GIGYF2: variants seen among roughly 807,000 people sequenced by gnomAD.
GIGYF2 encodes the protein GRB10-interacting GYF protein 2.
In GIGYF2, 25 loss-of-function variants were observed where a neutral mutation model predicts 208.1. The observed-to-expected ratio is 0.12, with a 90% CI of 0.09 to 0.17. GIGYF2 has a LOEUF of 0.17. Among genes scored for constraint, GIGYF2 ranks in the 10% least tolerant of loss-of-function variants. The probability of loss-of-function intolerance (pLI) is 1.00; values close to 1 mark genes in which losing one functional copy is unlikely to be tolerated. For synonymous variants in GIGYF2, 534 were observed against 543.8 expected (o/e 0.98, Z 0.25); for missense variants, 1,302 against 1,579.4 (o/e 0.82, Z 2.98).
chr2:232,845,695 T>C, intron 25 of GIGYF2, 37 bp from the exon 26 acceptor site: 1 of 1,531,428 alleles, frequency 6.5e-7, no homozygotes, highest in Non-Finnish European at 9.1e-7. Flanking sequence ...AGTAACAGTT[T>C]CTGGGAATAT....
Position 232,794,882 on chromosome 2 carries a change from C to T in GIGYF2, c.1417C>T (p.Pro473Ser), listed in dbSNP as rs1384919564. 6.2e-7 allele frequency: 1 copy of T among 1,613,732 alleles called. No homozygotes were observed. The highest frequency in any genetic ancestry group is 2.2e-5 in the East Asian group (1 of 44,862). ...RPVETPVVGA[P>S]GMGSVSTEPD... is the part of the protein sequence containing the mutation. ...AGTTGAAACACCAGTTGTAGGTGCT[C>T]CTGGTATGGGCAGTGTTTCCACAGA... The change falls in exon 13 of 29, where the codon CCT (proline) becomes TCT (serine). Residue 473 changes from proline (P) to serine (S), a missense_variant. Pro to Ser is a moderately conservative substitution (Grantham distance 74, BLOSUM62 -1). Coordinates refer to ENST00000373563, the MANE Select transcript of GIGYF2 (RefSeq NM_001103146.3).
chr2:232,841,037 A>T (rs1701798301), intron 23 of GIGYF2, among the ~76,000 whole-genome samples: 1 of 151,956 alleles, frequency 6.6e-6, no homozygotes, highest in Non-Finnish European at 1.5e-5. Flanking sequence ...GTTTCTTCAC[A>T]CTTGAAGATG....
intron 2 of GIGYF2, among the ~76,000 whole-genome samples, chr2:232,733,013 T>G (rs1697571543): frequency 6.6e-6 from 1 of 152,084 alleles, no homozygotes; most frequent in African/African-American, 2.4e-5. Context: ...TCCCAGCACT[T>G]TGGGAGACCT....
intron 18 of GIGYF2, among the ~76,000 whole-genome samples, chr2:232,813,552 G>A (rs1700806704): frequency 6.6e-6 from 1 of 152,134 alleles, no homozygotes; most frequent in African/African-American, 2.4e-5. Context: ...GAGATGGATA[G>A]TTTGGTCCAT....
chr2:232,790,974 G>C, intron 10 of GIGYF2, 34 bp from the exon 11 acceptor site: 1 of 1,612,324 alleles, frequency 6.2e-7, no homozygotes, highest in Non-Finnish European at 8.5e-7. Context: ...AGCCAAATCT[G>C]CTGTTGATCT....
intron 8 of GIGYF2, among the ~76,000 whole-genome samples, chr2:232,775,056 T>A (rs1341869599): frequency 6.6e-6 from 1 of 152,100 alleles, no homozygotes; most frequent in African/African-American, 2.4e-5. Flanking sequence ...TCGGAACAGT[T>A]AAGCAGCATT....
At chr2:232,720,096 T>C (rs1269117010) in intron 2 of GIGYF2, among the ~76,000 whole-genome samples, 2 of 152,092 alleles carry the variant, frequency 1.3e-5, no homozygotes, top group African/African-American at 4.8e-5. Context: ...CCTCCCCAAG[T>C]CCCCCATCCT....
intron 8 of GIGYF2, chr2:232,768,099 A>G: frequency 1.6e-6 from 2 of 1,256,272 alleles, no homozygotes; most frequent in Non-Finnish European, 2.3e-6. Context: ...AGCTATAATT[A>G]GCATTGAAAA....
At chr2:232,802,521 G>A (rs1056256872) in intron 14 of GIGYF2, among the ~76,000 whole-genome samples, 2 of 151,832 alleles carry the variant, frequency 1.3e-5, no homozygotes, top group African/African-American at 4.8e-5. Context: ...TATTAATATG[G>A]TATATTACAT....
At position 232,858,729 on chromosome 2, in the gene GIGYF2, G is replaced by A. The variant is rs920306029; in HGVS notation, c.*1869G>A. Reference sequence around the variant, plus strand: ...AGCTCCAAGCACCCAAGACATGGAGGCAGCCATGGCTTCTTTCTCTGCCAG... The same window carrying A: ...AGCTCCAAGCACCCAAGACATGGAGACAGCCATGGCTTCTTTCTCTGCCAG... On this transcript the variant is annotated 3_prime_UTR_variant, in exon 29 of 29. Transcript: ENST00000373563. 5 of 353,812 alleles carry A rather than the reference G, an allele frequency of 1.4e-5. No individual in the cohort carries two copies. Among genetic ancestry groups the A allele is most frequent in the Non-Finnish European group, 2.8e-5 (5 of 181,586 alleles). 21.9% of individuals were successfully genotyped at this position (353,812 alleles called of 1,614,324 possible).
At position 232,791,124 on chromosome 2, in the gene GIGYF2, T is replaced by A. The variant is rs148277228; in HGVS notation, c.1047T>A (p.Asp349Glu). 875 of 1,613,938 alleles carry A rather than the reference T, an allele frequency of 5.4e-4. 2 individuals are homozygous for A. The highest frequency in any genetic ancestry group is 8.2e-4 in the Middle Eastern group (5 of 6,084). Residue 349 changes from aspartate to glutamate, a missense_variant, in exon 11 of 29, where the codon GAT becomes GAA. Physicochemically the swap from Asp to Glu is conservative, Grantham distance 45. Around this residue, in one of 8 missense-constraint regions of GIGYF2, gnomAD observed 235 missense variants for 218.8 expected, o/e 1.07. Transcript: ENST00000373563. ...ATAATGAAGAGGCCAAAGAACCCGA[T>A]AAGACAAATAAGAAAGAAGGAGAGA... ...GSHNEEAKEPDKTNKKEGEKT... is the reference protein window; with the variant it reads ...GSHNEEAKEPEKTNKKEGEKT...
intron 6 of GIGYF2, among the ~76,000 whole-genome samples, chr2:232,758,724 T>C (rs1698635683): frequency 6.6e-6 from 1 of 152,188 alleles, no homozygotes; most frequent in African/African-American, 2.4e-5. Flanking sequence ...GGAGGCTATT[T>C]TTTATATTTA....
chr2:232,704,939 A>G (rs909001311), intron 2 of GIGYF2, among the ~76,000 whole-genome samples: 185 of 136,860 alleles, frequency 1.4e-3, no homozygotes, highest in African/African-American at 5.0e-3. Flanking sequence ...TGCTCACTGC[A>G]AGCTCCGCCT....
rs114227477 is a variant in GIGYF2, at chr2:232,846,288, G to T, written c.3460+402G>T. Among the ~76,000 whole-genome samples the T allele has an allele frequency of 5.1e-3, 770 of 152,236 alleles. 11 individuals are homozygous for T. Among genetic ancestry groups the T allele is most frequent in the African/African-American group, 0.018 (749 of 41,540 alleles). On this transcript the variant is annotated intron_variant, in intron 26 of 28. Transcript: ENST00000373563. Reference sequence around the variant, plus strand: ...GTGACATCATTCCCTTTCTACCTTTGGGGGAGGGAATGGGAATTGTGATAA... The same window carrying T: ...GTGACATCATTCCCTTTCTACCTTTTGGGGAGGGAATGGGAATTGTGATAA...
intron 8 of GIGYF2, 132 bp downstream of exon 8, chr2:232,761,568 A>C: frequency 1.6e-6 from 1 of 642,524 alleles, no homozygotes; most frequent in South Asian, 1.7e-5. Context: ...TCTCTACTGC[A>C]TGAAACCAGA....
At chr2:232,749,771 TAAGGAAAAGGTA>T (rs1470438300) in intron 5 of GIGYF2, among the ~76,000 whole-genome samples, 1 of 152,102 alleles carries the variant, frequency 6.6e-6, no homozygotes, top group African/African-American at 2.4e-5. Context: ...TTTTGACTCT[TAAGGAAAAGGTA>T]AAGCAAGAAG....
intron 2 of GIGYF2, among the ~76,000 whole-genome samples, chr2:232,709,938 T>C (rs1167305045): frequency 6.6e-6 from 1 of 151,904 alleles, no homozygotes; most frequent in African/African-American, 2.4e-5. Context: ...GGGCTCCAGC[T>C]GATTTTTACA....
intron 28 of GIGYF2, among the ~76,000 whole-genome samples, chr2:232,852,214 A>G (rs973282695): frequency 2.0e-5 from 3 of 152,200 alleles, no homozygotes; most frequent in Non-Finnish European, 4.4e-5. Flanking sequence ...TGAAAACAAC[A>G]TGACAGTAAA....
At chr2:232,805,817 A>T (rs973046079) in intron 14 of GIGYF2, among the ~76,000 whole-genome samples, 2 of 152,146 alleles carry the variant, frequency 1.3e-5, no homozygotes, top group Non-Finnish European at 2.9e-5. Context: ...AAGTACATCT[A>T]CTTCATTTTC....
Sources: gnomAD v4.1 joint callset for allele counts (sites outside exome capture counted in the v4.1 genomes callset) on GRCh38, gnomAD v4.1.1 for gene constraint, gnomAD v4.1.1 regional missense constraint, MANE v1.5 for transcripts, NCBI Gene and HGNC (gene_info 2026-07-23, HGNC 2026-07-21) for gene names.